Variants in LRBA observed in about 807,000 individuals in gnomAD.
The protein encoded by LRBA is lipopolysaccharide-responsive and beige-like anchor protein.
A neutral mutation model predicts 330.0 loss-of-function variants in LRBA; 176 were observed. The observed-to-expected ratio is 0.53, with a 90% CI of 0.47 to 0.60. The LOEUF is 0.60. Ranked by LOEUF, LRBA falls within the 20% of genes least tolerant of loss-of-function variation. The pLI is 0.00. For synonymous variants in LRBA, 1,230 were observed against 1,193.0 expected, an observed-to-expected ratio of 1.03 and a Z score of -0.64; for missense variants, 3,259 against 3,444.8, an observed-to-expected ratio of 0.95 and a Z score of 1.35.
intron 2 of LRBA, among the ~76,000 whole-genome samples, chr4:151,001,723 C>G (rs1344225121): frequency 2.6e-5 from 4 of 152,090 alleles, no homozygotes; most frequent in Non-Finnish European, 5.9e-5. Flanking sequence ...ACTGAGAGTG[C>G]ACCCACCCAC....
chr4:150,507,986 C>A (rs1261994785), intron 40 of LRBA, among the ~76,000 whole-genome samples: 1 of 148,496 alleles, frequency 6.7e-6, no homozygotes, highest in Non-Finnish European at 1.5e-5. Flanking sequence ...GGACAAAAAA[C>A]CAAACACCGC....
At chr4:150,557,046 A>C (rs1767415578) in intron 40 of LRBA, among the ~76,000 whole-genome samples, 1 of 152,202 alleles carries the variant, frequency 6.6e-6, no homozygotes, top group South Asian at 2.1e-4. Flanking sequence ...AAAAGAATTA[A>C]GGCTCTCCAA....
In LRBA at chr4:150,753,575, C is replaced by T. The variant is rs138762418; in HGVS notation, c.5645+8208G>A. Among the ~76,000 whole-genome samples the T allele has an allele frequency of 4.3e-3, 652 of 152,264 alleles. 4 individuals carry two copies. The highest frequency in any genetic ancestry group is 0.015 in the African/African-American group (631 of 41,546). ...TCTATACAAACATAAGCATATTCTA[C>T]AGGCACGCTATATCCAAGCCATCTT... is the stretch of plus-strand genomic sequence containing the variant. On this transcript the variant is annotated intron_variant, in intron 35 of 56. Transcript: ENST00000651943.
intron 46 of LRBA, among the ~76,000 whole-genome samples, chr4:150,434,413 T>C (rs1194922193): frequency 6.6e-6 from 1 of 152,236 alleles, no homozygotes; most frequent in Non-Finnish European, 1.5e-5. Flanking sequence ...AATAATGGAA[T>C]GCTTTACTAA....
At position 150,852,272 on chromosome 4, in the gene LRBA, G is replaced by C; in HGVS notation, c.3438C>G (p.Asp1146Glu). 2 of 1,614,086 alleles carry C rather than the reference G, an allele frequency of 1.2e-6. No homozygotes were observed. The highest frequency in any genetic ancestry group is 1.7e-6 in the Non-Finnish European group (2 of 1,180,000). ...PAASEAGEKLDMFGNDDKLIF... is the reference protein window; with the variant it reads ...PAASEAGEKLEMFGNDDKLIF... ...TTAATTTGTCATCATTACCAAACAT[G>C]TCCAGTTTTTCACCGGCTTCAGATG... Residue 1146 changes from aspartate to glutamate, a missense_variant, in exon 23 of 57, where the codon GAC becomes GAG. By Grantham distance (45) the Asp-to-Glu change is conservative. Transcript: ENST00000651943.
At chr4:150,528,124 C>A (rs954220233) in intron 40 of LRBA, among the ~76,000 whole-genome samples, 3 of 152,070 alleles carry the variant, frequency 2.0e-5, no homozygotes, top group African/African-American at 7.2e-5. Flanking sequence ...TATTTATATA[C>A]TCACTGTACT....
chr4:150,733,327 C>A (rs1422526507), intron 36 of LRBA, among the ~76,000 whole-genome samples: 1 of 151,962 alleles, frequency 6.6e-6, no homozygotes, highest in Non-Finnish European at 1.5e-5. Flanking sequence ...CAGATTAAGA[C>A]AGAGAATGTG....
chr4:150,780,819 G>C (rs1032212115), intron 34 of LRBA, among the ~76,000 whole-genome samples: 10 of 151,288 alleles, frequency 6.6e-5, no homozygotes, highest in East Asian at 1.9e-4. Context: ...AGGGGGTGAG[G>C]GGGGGGAATG....
At chr4:150,982,053 T>C (rs980685155) in intron 2 of LRBA, among the ~76,000 whole-genome samples, 6 of 151,388 alleles carry the variant, frequency 4.0e-5, no homozygotes, top group Non-Finnish European at 5.9e-5. Flanking sequence ...CATCTTACAA[T>C]AGCATCTTAT....
intron 17 of LRBA, among the ~76,000 whole-genome samples, chr4:150,882,399 G>A (rs1382904216): frequency 1.3e-5 from 2 of 151,892 alleles, no homozygotes; most frequent in Admixed American, 6.6e-5. Flanking sequence ...ATTAAAGGGA[G>A]GAAAAATCCT....
intron 21 of LRBA, 44 bp from the exon 22 acceptor site, chr4:150,867,907 T>A (rs1579045316): frequency 2.8e-6 from 4 of 1,428,366 alleles, no homozygotes; most frequent in Non-Finnish European, 3.8e-6. Context: ...GAAAAAAAAA[T>A]TATCTAAAAT....
intron 40 of LRBA, among the ~76,000 whole-genome samples, chr4:150,550,973 GA>G (rs1766511468): frequency 6.6e-6 from 1 of 152,158 alleles, no homozygotes; most frequent in Non-Finnish European, 1.5e-5. Flanking sequence ...GTTGGAAACT[GA>G]ATCCCCATTT....
At chr4:150,509,379 A>T (rs982382306) in intron 40 of LRBA, among the ~76,000 whole-genome samples, 1 of 152,108 alleles carries the variant, frequency 6.6e-6, no homozygotes, top group African/African-American at 2.4e-5. Context: ...ACAATTTTAA[A>T]AAATTCTAGA....
intron 17 of LRBA, among the ~76,000 whole-genome samples, chr4:150,879,989 A>C (rs1476037792): frequency 1.3e-5 from 2 of 152,242 alleles, no homozygotes; most frequent in Non-Finnish European, 2.9e-5. Flanking sequence ...ACCCAACTTC[A>C]AACTATACTA....
rs70937397 is a variant in LRBA, at chr4:150,373,124, C to CGTGTGTGT, written c.7195-22973_7195-22966dup. Among the ~76,000 whole-genome samples the CGTGTGTGT allele has an allele frequency of 2.8e-3, 268 of 96,358 alleles. 6 individuals are homozygous for CGTGTGTGT. The highest frequency in any genetic ancestry group is 3.2e-3 in the Non-Finnish European group (154 of 48,408). 63.2% of individuals were successfully genotyped at this position (96,358 alleles called of 152,430 possible). Reference sequence around the variant, plus strand: ...TCAGCAAACAGCTTGACTACAATCTCGTGTGTGTGTGTGTGTGTGTGTGTG... The same window carrying CGTGTGTGT: ...TCAGCAAACAGCTTGACTACAATCTCGTGTGTGTGTGTGTGTGTGTGTGTGTGTGTGTG... On this transcript the variant is annotated intron_variant, in intron 47 of 56. Transcript: ENST00000651943.
rs778677707 is a variant in LRBA, at chr4:150,583,101, G to A, written c.6330+4947C>T. Reference sequence around the variant, plus strand: ...ACACTGAGCGCTGTCAGGCGCGCAAGGCGGCCATCGCCAAAACCATCCGAG... The same window carrying A: ...ACACTGAGCGCTGTCAGGCGCGCAAAGCGGCCATCGCCAAAACCATCCGAG... On this transcript the variant is annotated intron_variant, in intron 40 of 56. Transcript: ENST00000651943. This position sits in a 1 kb window ranked among gnomAD's most constrained non-coding sequence, Gnocchi z 9.8. The A allele has an allele frequency of 1.5e-5, 24 of 1,614,062 alleles. No individual in the cohort carries two copies. Among genetic ancestry groups the A allele is most frequent in the Non-Finnish European group, 1.8e-5 (21 of 1,180,032 alleles).
At chr4:150,490,405 A>G (rs1386329603) in intron 41 of LRBA, among the ~76,000 whole-genome samples, 1 of 151,906 alleles carries the variant, frequency 6.6e-6, no homozygotes, top group Admixed American at 6.6e-5. Context: ...ACCAAGTTCC[A>G]TCGTAAAACT....
At chr4:150,435,137 G>A (rs899588447) in intron 46 of LRBA, among the ~76,000 whole-genome samples, 1 of 151,944 alleles carries the variant, frequency 6.6e-6, no homozygotes, top group African/African-American at 2.4e-5. Context: ...TTGAGGTCAG[G>A]AGTTCCAGAC....
At chr4:150,342,224 T>A (rs976790339) in intron 48 of LRBA, among the ~76,000 whole-genome samples, 5 of 152,110 alleles carry the variant, frequency 3.3e-5, no homozygotes, top group Admixed American at 1.3e-4. Flanking sequence ...AGAAAAGACA[T>A]GAATGAGCCA....
Sources: gnomAD v4.1 joint callset for allele counts (sites outside exome capture counted in the v4.1 genomes callset) on GRCh38, gnomAD v4.1.1 for gene constraint, Gnocchi (gnomAD v3.1) non-coding constraint, MANE v1.5 for transcripts, NCBI Gene and HGNC (gene_info 2026-07-23, HGNC 2026-07-21) for gene names.